The following HS3ST4 variants were observed in gnomAD, a reference collection of about 807,000 sequenced individuals.
The protein encoded by HS3ST4 is heparan sulfate-glucosamine 3-sulfotransferase 4, also known as heparan sulfate glucosamine 3-O-sulfotransferase 4.
A neutral mutation model predicts 29.2 loss-of-function variants in HS3ST4; 17 were observed. The observed-to-expected ratio is 0.58, with a 90% CI of 0.40 to 0.87. The LOEUF is 0.87. Ranked by LOEUF, HS3ST4 falls within the 40% of genes least tolerant of loss-of-function variation. The pLI, the probability that HS3ST4 is intolerant of heterozygous loss-of-function variation, is 0.00. For missense variants in HS3ST4, 627 were observed against 634.5 expected (o/e 0.99, Z 0.13); for synonymous variants, 314 against 285.7 (o/e 1.10, Z -1.00).
chr16:26,130,568 G>A (rs1272777281), intron 1 of HS3ST4, among the ~76,000 whole-genome samples: 1 of 152,156 alleles, frequency 6.6e-6, no homozygotes, highest in African/African-American at 2.4e-5. Flanking sequence ...TGAAAGACAT[G>A]GGAACAAATC....
In HS3ST4 at chr16:25,978,690, G is replaced by C. The variant is rs1449707506; in HGVS notation, c.735-156922G>C. 2.0e-5 allele frequency among the ~76,000 whole-genome samples: 3 copies of C among 152,208 alleles called. No individual in the cohort carries two copies. The East Asian group carries it at 5.8e-4, about 29-fold the overall frequency. ...TTACTGTCTTCTTTATGAACACTCA[G>C]CCAAAATTCAGATTGACACAGCCAC... On this transcript the variant is annotated intron_variant, in intron 1 of 1. Transcript: ENST00000331351.
chr16:25,775,792 A>T (rs1567237413), intron 1 of HS3ST4, among the ~76,000 whole-genome samples: 1 of 152,114 alleles, frequency 6.6e-6, no homozygotes, highest in African/African-American at 2.4e-5. Flanking sequence ...CCTTTCCTTG[A>T]TGCTCTTCTC....
At chr16:25,720,285 G>A (rs1966484018) in intron 1 of HS3ST4, among the ~76,000 whole-genome samples, 1 of 152,160 alleles carries the variant, frequency 6.6e-6, no homozygotes, top group Non-Finnish European at 1.5e-5. Flanking sequence ...ACACAGTGAG[G>A]AAGCAGGAGA....
intron 1 of HS3ST4, among the ~76,000 whole-genome samples, chr16:26,053,631 A>G (rs1176157586): frequency 6.6e-6 from 1 of 152,212 alleles, no homozygotes; most frequent in Non-Finnish European, 1.5e-5. Flanking sequence ...GTTCCTGTGC[A>G]TGACACTGGT....
At chr16:25,916,816 A>T (rs539321539) in intron 1 of HS3ST4, among the ~76,000 whole-genome samples, 2 of 151,034 alleles carry the variant, frequency 1.3e-5, no homozygotes, top group East Asian at 3.9e-4. Context: ...AGTAGCTGGG[A>T]CTACAGGCGC....
At chr16:25,914,035 T>C (rs1157608599) in intron 1 of HS3ST4, among the ~76,000 whole-genome samples, 1 of 146,776 alleles carries the variant, frequency 6.8e-6, no homozygotes, top group Non-Finnish European at 1.5e-5. Flanking sequence ...AGGGAGCATG[T>C]GTATGTGTGT....
chr16:25,887,751 G>A (rs143293149), intron 1 of HS3ST4, among the ~76,000 whole-genome samples: 2,435 of 138,604 alleles, frequency 0.018, 60 homozygotes, highest in African/African-American at 0.064. Flanking sequence ...AGTCTGGAGT[G>A]CAGTGGTGCT....
At chr16:26,058,317 A>G (rs537879469) in intron 1 of HS3ST4, among the ~76,000 whole-genome samples, 1 of 152,346 alleles carries the variant, frequency 6.6e-6, no homozygotes, top group African/African-American at 2.4e-5. Flanking sequence ...TGTCAAAAGA[A>G]GAAAAAGAAA....
At chr16:25,802,865 GTAT>G (rs1468574666) in intron 1 of HS3ST4, among the ~76,000 whole-genome samples, 1 of 151,262 alleles carries the variant, frequency 6.6e-6, no homozygotes, top group African/African-American at 2.4e-5. Context: ...TGATAATTAC[GTAT>G]TATATTTTTA....
chr16:25,815,264 C>T (rs1223331935), intron 1 of HS3ST4, among the ~76,000 whole-genome samples: 1 of 152,134 alleles, frequency 6.6e-6, no homozygotes, highest in Non-Finnish European at 1.5e-5. Context: ...TGAATTTCAC[C>T]CCCGTGGGGC....
chr16:25,792,991 C>A lies in HS3ST4; in HGVS notation c.734+99840C>A, dbSNP rs184629753. Among the ~76,000 whole-genome samples the A allele has an allele frequency of 2.0e-5, 3 of 151,908 alleles. No homozygotes were observed. The East Asian group carries it at 5.8e-4, about 29-fold the overall frequency. ...ATTTTCATTAATAGATAAATATTTT[C>A]TAATTTTTATGGTAATTTTTGTTTT... is the stretch of plus-strand genomic sequence containing the variant. On this transcript the variant is annotated intron_variant, in intron 1 of 1. Coordinates refer to ENST00000331351, the MANE Select transcript of HS3ST4 (RefSeq NM_006040.3).
chr16:25,831,904 G>C (rs1273832584), intron 1 of HS3ST4, among the ~76,000 whole-genome samples: 1 of 152,086 alleles, frequency 6.6e-6, no homozygotes, highest in East Asian at 1.9e-4. Context: ...CCAGGAGTTT[G>C]AGACCAGCCT....
chr16:25,765,459 A>G (rs749897920), intron 1 of HS3ST4, among the ~76,000 whole-genome samples: 15 of 152,206 alleles, frequency 9.9e-5, no homozygotes, highest in Non-Finnish European at 1.6e-4. Context: ...ATTAGGGTAC[A>G]TGGACCTGGA....
intron 1 of HS3ST4, among the ~76,000 whole-genome samples, chr16:26,113,737 TCTCCTCCTCTTC>T (rs1321972603): frequency 6.6e-6 from 1 of 152,056 alleles, no homozygotes; most frequent in Non-Finnish European, 1.5e-5. Flanking sequence ...TCCATTTCCC[TCTCCTCCTCTTC>T]CTCCTTCTCT....
intron 1 of HS3ST4, among the ~76,000 whole-genome samples, chr16:25,857,866 G>A (rs1967589426): frequency 6.6e-6 from 1 of 151,004 alleles, no homozygotes. Flanking sequence ...TAATTTACAT[G>A]AATTTCTTTC....
At chr16:25,727,636 C>T (rs1466057816) in intron 1 of HS3ST4, among the ~76,000 whole-genome samples, 1 of 152,146 alleles carries the variant, frequency 6.6e-6, no homozygotes, top group Non-Finnish European at 1.5e-5. Context: ...ACTCCTCCTT[C>T]TACAATGCCC....
intron 1 of HS3ST4, among the ~76,000 whole-genome samples, chr16:25,912,257 C>A (rs778351461): frequency 6.6e-6 from 1 of 152,150 alleles, no homozygotes; most frequent in Non-Finnish European, 1.5e-5. Flanking sequence ...CTCTTGTCCC[C>A]GGCATCTCAA....
At chr16:25,712,173 C>A (rs559113774) in intron 1 of HS3ST4, among the ~76,000 whole-genome samples, 42 of 151,902 alleles carry the variant, frequency 2.8e-4, no homozygotes, top group African/African-American at 9.2e-4. Flanking sequence ...GGAAAAAAAA[C>A]CCCAAATTTT....
intron 1 of HS3ST4, among the ~76,000 whole-genome samples, chr16:25,831,825 G>T (rs189534841): frequency 3.9e-4 from 60 of 152,180 alleles, no homozygotes; most frequent in African/African-American, 1.4e-3. Flanking sequence ...AATCACATAG[G>T]CTGGGCACAG....
Sources: gnomAD v4.1 joint callset for allele counts (sites outside exome capture counted in the v4.1 genomes callset) on GRCh38, gnomAD v4.1.1 for gene constraint, MANE v1.5 for transcripts, NCBI Gene and HGNC (gene_info 2026-07-23, HGNC 2026-07-21) for gene names.